TECPR2: variants seen among roughly 807,000 people sequenced by gnomAD.
The protein encoded by TECPR2 is tectonin beta-propeller repeat-containing protein 2.
In TECPR2, 65 loss-of-function variants were observed where a neutral mutation model predicts 138.1. The observed-to-expected ratio is 0.47, with a 90% CI of 0.39 to 0.58. The LOEUF is 0.58. Ranked by LOEUF, TECPR2 falls within the 20% of genes least tolerant of loss-of-function variation. The probability of loss-of-function intolerance (pLI) is 0.00; values close to 1 mark genes in which losing one functional copy is unlikely to be tolerated. For synonymous variants in TECPR2, 746 were observed against 749.8 expected, an observed-to-expected ratio of 0.99 and a Z score of 0.08; for missense variants, 1,553 against 1,824.5, an observed-to-expected ratio of 0.85 and a Z score of 2.71.
At chr14:102,410,983 G>C (rs1412557049) in intron 4 of TECPR2, among the ~76,000 whole-genome samples, 1 of 152,298 alleles carries the variant, frequency 6.6e-6, no homozygotes, top group East Asian at 1.9e-4. Flanking sequence ...TTTTATACCT[G>C]TTTTTCTCCT....
At chr14:102,396,182 A>C (rs1015627270) in intron 2 of TECPR2, among the ~76,000 whole-genome samples, 1 of 150,172 alleles carries the variant, frequency 6.7e-6, no homozygotes, top group African/African-American at 2.5e-5. Context: ...AGCTCATTGC[A>C]ACCTCTGCCT....
At chr14:102,471,288 T>G (rs1175351461) in intron 17 of TECPR2, among the ~76,000 whole-genome samples, 2 of 152,200 alleles carry the variant, frequency 1.3e-5, no homozygotes, top group Non-Finnish European at 2.9e-5. Flanking sequence ...TAGTTTATTC[T>G]TTCTAGGAAT....
chr14:102,375,041 G>T (rs183057967), intron 1 of TECPR2, among the ~76,000 whole-genome samples: 2 of 152,256 alleles, frequency 1.3e-5, no homozygotes, highest in Admixed American at 1.3e-4. Context: ...TGTGTGGATA[G>T]GCCGGACACG....
At chr14:102,369,847 A>G (rs1187117486) in intron 1 of TECPR2, among the ~76,000 whole-genome samples, 1 of 151,772 alleles carries the variant, frequency 6.6e-6, no homozygotes, top group Non-Finnish European at 1.5e-5. Flanking sequence ...AGTCCCAGCT[A>G]CTCAGGAGGC....
At chr14:102,416,348 C>T (rs1211712310) in intron 5 of TECPR2, among the ~76,000 whole-genome samples, 4 of 152,030 alleles carry the variant, frequency 2.6e-5, no homozygotes, top group African/African-American at 7.2e-5. Context: ...CTCAAACTCC[C>T]GACCTCAGGT....
At chr14:102,427,018 C>T (rs555735715) in intron 6 of TECPR2, among the ~76,000 whole-genome samples, 43 of 152,096 alleles carry the variant, frequency 2.8e-4, no homozygotes, top group African/African-American at 9.6e-4. Flanking sequence ...GAACTAGACT[C>T]GACTCTTCTA....
Position 102,376,942 on chromosome 14 carries a change from TG to T in TECPR2, c.219+3del, listed in dbSNP as rs1887656436. On this transcript the variant is annotated splice_donor_region_variant and intron_variant, in intron 2 of 19. Transcript: ENST00000359520. The stretch of plus-strand genomic sequence containing the variant: ...CAGATGAGGAAGTACAACTTTGAGG[TG>T]AGCCTTGCTTTGCTTTTCACCTGAG... 6.2e-7 allele frequency: 1 copy of T among 1,611,356 alleles called. No homozygotes were observed. Among genetic ancestry groups the T allele is most frequent in the Non-Finnish European group, 8.5e-7 (1 of 1,179,058 alleles).
intron 2 of TECPR2, among the ~76,000 whole-genome samples, chr14:102,402,859 G>A (rs145757361): frequency 6.6e-6 from 1 of 152,232 alleles, no homozygotes; most frequent in Non-Finnish European, 1.5e-5. Context: ...GAATACCTGA[G>A]TAGATCTATA....
At chr14:102,464,785 G>A (rs570651377) in intron 16 of TECPR2, among the ~76,000 whole-genome samples, 2 of 152,282 alleles carry the variant, frequency 1.3e-5, no homozygotes, top group East Asian at 1.9e-4. Flanking sequence ...GGAAGCTGAC[G>A]ATGGGACCCA....
chr14:102,422,181 A>G (rs1188916343), intron 5 of TECPR2, among the ~76,000 whole-genome samples: 2 of 152,256 alleles, frequency 1.3e-5, no homozygotes, highest in Admixed American at 6.5e-5. Flanking sequence ...GGGTATGCAC[A>G]GAAATGCTCA....
At chr14:102,411,751 A>T (rs1212263575) in intron 4 of TECPR2, among the ~76,000 whole-genome samples, 1 of 144,162 alleles carries the variant, frequency 6.9e-6, no homozygotes, top group African/African-American at 2.6e-5. Context: ...TGGATTCTGC[A>T]TTCAATCTGT....
At chr14:102,380,764 C>T (rs765448621) in intron 2 of TECPR2, among the ~76,000 whole-genome samples, 13 of 152,304 alleles carry the variant, frequency 8.5e-5, no homozygotes, top group South Asian at 4.1e-4. Flanking sequence ...CTGCAACCTC[C>T]GCCTCCCGGG....
chr14:102,493,817 G>A (rs1213313195), intron 17 of TECPR2, among the ~76,000 whole-genome samples: 2 of 152,166 alleles, frequency 1.3e-5, no homozygotes, highest in Middle Eastern at 3.2e-3. Flanking sequence ...GGATCTCACC[G>A]GTGCATCTGA....
chr14:102,417,496 G>A (rs1381519995), intron 5 of TECPR2, among the ~76,000 whole-genome samples: 1 of 152,218 alleles, frequency 6.6e-6, no homozygotes, highest in African/African-American at 2.4e-5. Flanking sequence ...GCATTAGGGA[G>A]TGCTAGGCAT....
intron 5 of TECPR2, 126 bp downstream of exon 5, chr14:102,414,919 C>G: frequency 8.4e-7 from 1 of 1,188,364 alleles, no homozygotes; most frequent in South Asian, 1.5e-5. Flanking sequence ...GCCTCTAAGC[C>G]TGGGGTTCCT....
chr14:102,409,961 C>A (rs972820919), intron 4 of TECPR2, among the ~76,000 whole-genome samples: 3 of 152,096 alleles, frequency 2.0e-5, no homozygotes, highest in Admixed American at 6.6e-5. Context: ...CCTGCCACCA[C>A]GTCTGACTAC....
intron 17 of TECPR2, among the ~76,000 whole-genome samples, chr14:102,489,153 A>T (rs1484265965): frequency 6.6e-6 from 1 of 151,690 alleles, no homozygotes; most frequent in Non-Finnish European, 1.5e-5. Context: ...AAGTGCTGGG[A>T]TTACAGGCAT....
At chr14:102,490,920 G>C (rs1216578895) in intron 17 of TECPR2, among the ~76,000 whole-genome samples, 3 of 152,058 alleles carry the variant, frequency 2.0e-5, no homozygotes, top group Admixed American at 2.0e-4. Flanking sequence ...TTGAGACAGA[G>C]TCTCACTCTT....
intron 2 of TECPR2, among the ~76,000 whole-genome samples, chr14:102,401,226 G>A (rs1383153135): frequency 1.3e-5 from 2 of 151,740 alleles, no homozygotes. Context: ...ATCACCTGAG[G>A]TCAGGAGTTC....
Sources: allele counts gnomAD v4.1 joint callset (sites outside exome capture counted in the v4.1 genomes callset), GRCh38; gene constraint gnomAD v4.1.1; transcripts MANE v1.5; gene names NCBI Gene and HGNC (gene_info 2026-07-23, HGNC 2026-07-21).